The following CCDC187 variants were observed in gnomAD, a reference collection of about 807,000 sequenced individuals.
The protein encoded by CCDC187 is coiled-coil domain containing 187, also known as coiled-coil domain-containing protein 187.
A neutral mutation model predicts 38.0 loss-of-function variants in CCDC187; 32 were observed. The observed-to-expected ratio is 0.84, with a 90% CI of 0.64 to 1.13. CCDC187 has a LOEUF of 1.13. Ranked by LOEUF, CCDC187 falls within the 50% of genes most tolerant of loss-of-function variation. The pLI, the probability that CCDC187 is intolerant of heterozygous loss-of-function variation, is 0.00. For synonymous variants in CCDC187, 333 were observed against 347.9 expected (o/e 0.96, Z 0.48); for missense variants, 707 against 786.8 (o/e 0.90, Z 1.21).
At chr9:136,272,424 C>A (rs193302257) in intron 14 of CCDC187, among the ~76,000 whole-genome samples, 2 of 151,738 alleles carry the variant, frequency 1.3e-5, no homozygotes, top group South Asian at 4.2e-4. Flanking sequence ...CAAAAATGGC[C>A]GGGCGTGGTG....
chr9:136,284,410 G>A (rs1219024870), intron 9 of CCDC187, among the ~76,000 whole-genome samples: 1 of 152,166 alleles, frequency 6.6e-6, no homozygotes, highest in South Asian at 2.1e-4. Flanking sequence ...AGAGACCGCC[G>A]CCGGCCTGGC....
intron 4 of CCDC187, among the ~76,000 whole-genome samples, chr9:136,294,038 A>G: frequency 6.7e-6 from 1 of 149,696 alleles, no homozygotes; most frequent in South Asian, 2.1e-4. Flanking sequence ...ACACACACTC[A>G]TATACACACG....
At chr9:136,280,671 G>A (rs2131243524) in intron 10 of CCDC187, among the ~76,000 whole-genome samples, 1 of 152,186 alleles carries the variant, frequency 6.6e-6, no homozygotes, top group East Asian at 1.9e-4. Flanking sequence ...GCAGACTCCA[G>A]GAGGGCTCCA....
chr9:136,273,402 G>A (rs782104840), intron 14 of CCDC187, among the ~76,000 whole-genome samples: 5 of 152,216 alleles, frequency 3.3e-5, no homozygotes, highest in East Asian at 1.9e-4. Context: ...CCTCTGAAGC[G>A]AAGGATACTG....
At position 136,302,958 on chromosome 9, in the gene CCDC187, C is replaced by T. The variant is rs1831722535; in HGVS notation, c.479G>A (p.Arg160Gln). 11 of 398,726 alleles carry T rather than the reference C, an allele frequency of 2.8e-5. No homozygotes were observed. The highest frequency in any genetic ancestry group is 4.4e-5 in the Admixed American group (1 of 22,732). 24.7% of individuals were successfully genotyped at this position (398,726 alleles called of 1,614,324 possible). A position where few individuals can be genotyped will look rare whatever the true frequency, so the allele number is the denominator to read the frequency against. ...GCTCCCCTGCTGCCACGCCTGGGCCCGGATCTTGTCTCTCAGCTGCTCCAG... is the reference window on the plus strand; with the variant it reads ...GCTCCCCTGCTGCCACGCCTGGGCCTGGATCTTGTCTCTCAGCTGCTCCAG... ...ARLEQLRDKI[R>Q]AQAWQQGSCA... Residue 160 changes from arginine to glutamine, a missense_variant, in exon 2 of 26, where the codon CGG becomes CAG. Transcript: ENST00000638797.
intron 9 of CCDC187, among the ~76,000 whole-genome samples, chr9:136,281,900 G>A (rs1285115089): frequency 2.0e-5 from 3 of 152,196 alleles, no homozygotes. Flanking sequence ...GGGTGAGTGG[G>A]TGGGGCCTGA....
At chr9:136,305,795 T>C (rs956399084), upstream of CCDC187, among the ~76,000 whole-genome samples, 3 of 152,210 alleles carry the variant, frequency 2.0e-5, no homozygotes, top group Admixed American at 2.0e-4. Context: ...GAGCAGAGCA[T>C]CGCGAGGTCC....
intron 3 of CCDC187, among the ~76,000 whole-genome samples, chr9:136,298,676 A>G (rs1363730666): frequency 2.0e-5 from 3 of 152,176 alleles, no homozygotes; most frequent in Non-Finnish European, 4.4e-5. Flanking sequence ...TGGCAGGAGG[A>G]GCCTCAAGAG....
At chr9:136,279,337 T>G (rs1182829263) in intron 10 of CCDC187, among the ~76,000 whole-genome samples, 3 of 144,858 alleles carry the variant, frequency 2.1e-5, no homozygotes, top group Non-Finnish European at 4.6e-5. Context: ...GAAGTGTTTA[T>G]GTCTAGAAGA....
In CCDC187 at chr9:136,254,530, G is replaced by T. The variant is rs1405349660; in HGVS notation, c.5298C>A (p.Cys1766Ter). The change falls in exon 26 of 26, where the codon TGC (cysteine) becomes TGA (stop). Residue 1766 changes from cysteine (C) to a stop codon, truncating the protein, a stop_gained. Transcript: ENST00000638797. LOFTEE classifies it low-confidence loss of function (END_TRUNC). ...TACAGGGTTCTGGCAGGTCCTCCTC[G>T]CAGTCCTCCTCCCAAACTTTGCTGG... is the stretch of plus-strand genomic sequence containing the variant. ...EASSKVWEED[C>*]EEDLPEPCTG... 1 of 985,338 alleles carries T rather than the reference G, an allele frequency of 1.0e-6. No individual in the cohort carries two copies. Among genetic ancestry groups the T allele is most frequent in the Admixed American group, 6.1e-5 (1 of 16,274 alleles). The allele number at this position is 985,338 out of a possible 1,614,324, so 61.0% of individuals were successfully genotyped here.
rs1481820355 is a variant in CCDC187, at chr9:136,263,639, G to C, written c.3895C>G (p.Gln1299Glu). Residue 1299 changes from glutamine (Q) to glutamate (E), a missense_variant, in exon 18 of 26, where the codon CAG (glutamine) becomes GAG (glutamate). Coordinates refer to ENST00000638797, the MANE Select transcript of CCDC187 (RefSeq NM_001378188.1). ...DVVPAHELQAQAKLQQGSSPK... is the reference protein window; with the variant it reads ...DVVPAHELQAEAKLQQGSSPK... ...GCACCCACCTGCTGCAGCTTGGCCT[G>C]GGCCTGCAGCTCGTGCGCTGGGACG... The C allele has an allele frequency of 2.0e-6, 2 of 985,376 alleles. No individual in the cohort carries two copies. Among genetic ancestry groups the C allele is most frequent in the African/African-American group, 3.5e-5 (2 of 57,262 alleles). 61.0% of individuals were successfully genotyped at this position (985,376 alleles called of 1,614,324 possible). A position where few individuals can be genotyped will look rare whatever the true frequency, so the allele number is the denominator to read the frequency against.
chr9:136,264,598 C>G lies in CCDC187; in HGVS notation c.3736-800G>C, dbSNP rs1364035145. Among the ~76,000 whole-genome samples, 1 of 152,208 alleles carries G rather than the reference C, an allele frequency of 6.6e-6. No homozygotes were observed. Among genetic ancestry groups the G allele is most frequent in the African/African-American group, 2.4e-5 (1 of 41,458 alleles). On this transcript the variant is annotated intron_variant, in intron 17 of 25. Coordinates refer to ENST00000638797, the MANE Select transcript of CCDC187 (RefSeq NM_001378188.1). The surrounding 1 kb of genome is among the most constrained non-coding windows in gnomAD (Gnocchi z 4.3). ...GGCCTGGGTCTCCGCCCCCAGCTCC[C>G]TTGCCTGTAATGCCCCATGCCTGAC...
At chr9:136,283,457 G>A (rs1448139253) in intron 9 of CCDC187, among the ~76,000 whole-genome samples, 2 of 152,236 alleles carry the variant, frequency 1.3e-5, no homozygotes, top group Non-Finnish European at 2.9e-5. Context: ...CCGAGCAGCG[G>A]CGGAAGCCTT....
At chr9:136,301,430 G>A (rs1180118808) in intron 2 of CCDC187, among the ~76,000 whole-genome samples, 2 of 152,094 alleles carry the variant, frequency 1.3e-5, no homozygotes, top group Non-Finnish European at 1.5e-5. Flanking sequence ...GAGGGGACGG[G>A]GGTGAGTGTT....
chr9:136,256,982 G>A (rs1193562338), intron 22 of CCDC187, 141 bp from the exon 23 acceptor site: 1 of 152,260 alleles, frequency 6.6e-6, no homozygotes, highest in Non-Finnish European at 1.5e-5. Flanking sequence ...GTTAGTATGA[G>A]GGCGGAAACA....
chr9:136,281,411 C>T (rs1373990845), intron 10 of CCDC187, 140 bp downstream of exon 10: 13 of 398,502 alleles, frequency 3.3e-5, no homozygotes, highest in Non-Finnish European at 4.0e-5. Flanking sequence ...AATAACGAGG[C>T]GTGGATGCTC....
intron 20 of CCDC187, 68 bp downstream of exon 20, chr9:136,260,051 C>T: frequency 1.0e-6 from 1 of 982,094 alleles, no homozygotes. Context: ...AATGCCACCC[C>T]ACACTGCCCA....
chr9:136,273,040 A>G (rs1554762643), intron 14 of CCDC187, among the ~76,000 whole-genome samples: 2 of 152,364 alleles, frequency 1.3e-5, no homozygotes, highest in South Asian at 4.1e-4. Flanking sequence ...TGAGCCAACA[A>G]TGGAGATAAA....
chr9:136,255,719 T>G lies in CCDC187; in HGVS notation c.4631A>C (p.Gln1544Pro), dbSNP rs1443565634. The G allele has an allele frequency of 1.0e-6, 1 of 985,308 alleles. No individual in the cohort carries two copies. The highest frequency in any genetic ancestry group is 6.1e-5 in the Admixed American group (1 of 16,264). 61.0% of individuals were successfully genotyped at this position (985,308 alleles called of 1,614,324 possible). A position where few individuals can be genotyped will look rare whatever the true frequency, so the allele number is the denominator to read the frequency against. The change falls in exon 25 of 26, where the codon CAG (glutamine) becomes CCG (proline). Residue 1544 changes from glutamine (Q) to proline (P), a missense_variant. Coordinates refer to ENST00000638797, the MANE Select transcript of CCDC187 (RefSeq NM_001378188.1). ...GGAGGAGATGCCGGGGACCTCCTGC[T>G]GACAGGCCTCCGTCCTGCAAGCACA... ...RSGEQRTEACQQEVPGISSTW... is the reference protein window; with the variant it reads ...RSGEQRTEACPQEVPGISSTW...
Sources: gnomAD v4.1 joint callset for allele counts (sites outside exome capture counted in the v4.1 genomes callset) on GRCh38, gnomAD v4.1.1 for gene constraint, Gnocchi (gnomAD v3.1) non-coding constraint, MANE v1.5 for transcripts, NCBI Gene and HGNC (gene_info 2026-07-23, HGNC 2026-07-21) for gene names.